The following PRMT7 variants were observed in gnomAD, a reference collection of about 807,000 sequenced individuals.
The protein encoded by PRMT7 is protein arginine N-methyltransferase 7.
A neutral mutation model predicts 85.4 loss-of-function variants in PRMT7; 75 were observed. The observed-to-expected ratio is 0.88, with a 90% CI of 0.73 to 1.06. The LOEUF is 1.06. Among genes scored for constraint, PRMT7 ranks in the 50% least tolerant of loss-of-function variants. PRMT7 has a pLI of 0.00. For missense variants in PRMT7, 868 were observed against 915.2 expected, an observed-to-expected ratio of 0.95 and a Z score of 0.67; for synonymous variants, 397 against 359.5, an observed-to-expected ratio of 1.10 and a Z score of -1.18.
At position 68,329,138 on chromosome 16, in the gene PRMT7, A is replaced by G; in HGVS notation, c.355A>G (p.Ile119Val). Residue 119 changes from isoleucine to valine, a missense_variant, in exon 6 of 19, where the codon ATC (isoleucine) becomes GTC (valine). Ile to Val is a conservative substitution (Grantham distance 29). Transcript: ENST00000441236. Reference protein sequence around the residue: ...KNGFSDKIKVINKHSTEVTVG... With the variant: ...KNGFSDKIKVVNKHSTEVTVG... ...TGGCTTTAGTGATAAGATTAAGGTT[A>G]TCAACAAGCATTCCACCGAGGTGAC... The G allele has an allele frequency of 6.2e-7, 1 of 1,608,462 alleles. No homozygotes were observed. The highest frequency in any genetic ancestry group is 8.5e-7 in the Non-Finnish European group (1 of 1,174,828).
intron 3 of PRMT7, among the ~76,000 whole-genome samples, chr16:68,318,227 T>C (rs1248098610): frequency 6.9e-6 from 1 of 144,680 alleles, no homozygotes; most frequent in African/African-American, 2.6e-5. Context: ...TGAGACAGAG[T>C]CTCGCTCTGT....
intron 3 of PRMT7, chr16:68,319,147 C>T (rs936830779): frequency 6.6e-6 from 1 of 152,126 alleles, no homozygotes; most frequent in African/African-American, 2.4e-5. Context: ...GTTTGGACAT[C>T]CACATAGAGA....
intron 6 of PRMT7, among the ~76,000 whole-genome samples, chr16:68,333,699 A>G (rs1381386473): frequency 5.9e-5 from 9 of 152,124 alleles, no homozygotes; most frequent in Non-Finnish European, 4.4e-5. Flanking sequence ...GCCATGAAGT[A>G]TGCTGACTCT....
intron 14 of PRMT7, among the ~76,000 whole-genome samples, chr16:68,349,997 G>A (rs544045021): frequency 2.1e-4 from 32 of 152,348 alleles, no homozygotes; most frequent in African/African-American, 7.7e-4. Context: ...GCAGCCACTG[G>A]TCTGGTTTGT....
chr16:68,331,646 T>A (rs911230784), intron 6 of PRMT7, among the ~76,000 whole-genome samples: 12 of 151,500 alleles, frequency 7.9e-5, no homozygotes, highest in Admixed American at 2.0e-4. Context: ...TTAAAAAAAA[T>A]TTTTTTTTGT....
At chr16:68,353,597 C>G in intron 16 of PRMT7, 31 bp downstream of exon 16, 2 of 1,508,904 alleles carry the variant, frequency 1.3e-6, no homozygotes, top group Non-Finnish European at 1.8e-6. Context: ...CATAGTACCC[C>G]CGACCTGCTC....
chr16:68,330,728 G>T (rs1359335886), intron 6 of PRMT7, among the ~76,000 whole-genome samples: 4 of 151,804 alleles, frequency 2.6e-5, no homozygotes, highest in African/African-American at 9.7e-5. Context: ...ATGAGTAGCT[G>T]GGATTACAGG....
At chr16:68,353,438 C>T (rs79543001) in intron 15 of PRMT7, 54 bp from the exon 16 acceptor site, 149,827 of 1,605,858 alleles carry the variant, frequency 0.093, 7,724 homozygotes, top group Middle Eastern at 0.099. Flanking sequence ...CTTGCTGCCA[C>T]GCTTCCCTGT....
intron 5 of PRMT7, among the ~76,000 whole-genome samples, chr16:68,326,106 A>G (rs1440950935): frequency 1.3e-5 from 2 of 152,240 alleles, no homozygotes; most frequent in Admixed American, 1.3e-4. Context: ...AATACCAAAT[A>G]AAAATAGTAT....
At chr16:68,317,265 C>T (rs1181707986) in intron 3 of PRMT7, among the ~76,000 whole-genome samples, 2 of 149,280 alleles carry the variant, frequency 1.3e-5, no homozygotes, top group East Asian at 2.0e-4. Context: ...AATTACAGCA[C>T]AGTGAGATAA....
At chr16:68,329,864 A>G (rs1385957834) in intron 6 of PRMT7, among the ~76,000 whole-genome samples, 1 of 140,394 alleles carries the variant, frequency 7.1e-6, no homozygotes, top group African/African-American at 2.7e-5. Flanking sequence ...AGGTTTCCAG[A>G]ATATGTATAT....
chr16:68,333,333 TAGTC>T (rs1259583892), intron 6 of PRMT7, among the ~76,000 whole-genome samples: 2 of 151,726 alleles, frequency 1.3e-5, no homozygotes, highest in Admixed American at 1.3e-4. Context: ...AATACAAAAT[TAGTC>T]AGGTGTGGTG....
chr16:68,311,115 T>C lies in PRMT7; in HGVS notation c.-219+16T>C. On this transcript the variant is annotated intron_variant, in intron 1 of 18. Coordinates refer to ENST00000441236, the MANE Select transcript of PRMT7 (RefSeq NM_019023.5). ...CCCGCGGCGGGTGAGGCGCTGGGTATGCTGGGAAGGTGGGGTCGCTTTGGG... is the reference window on the plus strand; with the variant it reads ...CCCGCGGCGGGTGAGGCGCTGGGTACGCTGGGAAGGTGGGGTCGCTTTGGG... The C allele has an allele frequency of 1.4e-6, 1 of 693,972 alleles. No homozygotes were observed. Among genetic ancestry groups the C allele is most frequent in the Non-Finnish European group, 2.6e-6 (1 of 383,002 alleles). 43.0% of individuals were successfully genotyped at this position (693,972 alleles called of 1,614,324 possible).
chr16:68,349,691 C>T (rs568591302), intron 14 of PRMT7, among the ~76,000 whole-genome samples: 1 of 151,898 alleles, frequency 6.6e-6, no homozygotes, highest in African/African-American at 2.4e-5. Context: ...CCCAGGAGTT[C>T]AAGACCAATC....
At chr16:68,314,751 G>A (rs1331090473) in intron 2 of PRMT7, among the ~76,000 whole-genome samples, 1 of 152,104 alleles carries the variant, frequency 6.6e-6, no homozygotes, top group African/African-American at 2.4e-5. Context: ...ATGGGTATTG[G>A]GAGAGCCCAC....
chr16:68,333,317 A>G lies in PRMT7; in HGVS notation c.392-4142A>G, dbSNP rs746231214. Among the ~76,000 whole-genome samples, 3 of 152,038 alleles carry G rather than the reference A, an allele frequency of 2.0e-5. No individual in the cohort carries two copies. The East Asian group carries it at 5.8e-4, about 29-fold the overall frequency. ...GACCAACTTGGAGAAACCTGTCTCT[A>G]CTAAAAATACAAAATTAGTCAGGTG... On this transcript the variant is annotated intron_variant, in intron 6 of 18. Transcript: ENST00000441236.
chr16:68,348,919 A>G (rs1280464041), intron 14 of PRMT7, among the ~76,000 whole-genome samples: 3 of 152,070 alleles, frequency 2.0e-5, no homozygotes, highest in African/African-American at 7.2e-5. Flanking sequence ...GGTTACAGGC[A>G]TGAGCCACCA....
At chr16:68,343,237 A>G (rs181356179) in intron 9 of PRMT7, among the ~76,000 whole-genome samples, 62 of 152,198 alleles carry the variant, frequency 4.1e-4, no homozygotes, top group Admixed American at 2.4e-3. Flanking sequence ...TTTAATTTGC[A>G]TATCTTCGGA....
chr16:68,318,223 A>T (rs1289493796), intron 3 of PRMT7, among the ~76,000 whole-genome samples: 1 of 145,160 alleles, frequency 6.9e-6, no homozygotes, highest in South Asian at 2.1e-4. Flanking sequence ...TTTTTGAGAC[A>T]GAGTCTCGCT....
Sources: allele counts gnomAD v4.1 joint callset (sites outside exome capture counted in the v4.1 genomes callset), GRCh38; gene constraint gnomAD v4.1.1; transcripts MANE v1.5; gene names NCBI Gene and HGNC (gene_info 2026-07-23, HGNC 2026-07-21).